The following ATF2 variants were observed in gnomAD, a reference collection of about 807,000 sequenced individuals.
ATF2 encodes activating transcription factor 2.
A neutral mutation model predicts 60.6 loss-of-function variants in ATF2; 24 were observed. The observed-to-expected ratio is 0.40, with a 90% CI of 0.29 to 0.56. The LOEUF (loss-of-function observed/expected upper bound fraction) is 0.56, where lower values mean the gene tolerates loss of function less well. Among genes scored for constraint, ATF2 ranks in the 20% least tolerant of loss-of-function variants. The probability of loss-of-function intolerance (pLI) is 0.54; values close to 1 mark genes in which losing one functional copy is unlikely to be tolerated. For synonymous variants in ATF2, 206 were observed against 215.4 expected (o/e 0.96, Z 0.38); for missense variants, 433 against 607.7 (o/e 0.71, Z 3.02).
At chr2:175,112,050 A>G (rs1028575179) in intron 9 of ATF2, among the ~76,000 whole-genome samples, 1 of 152,220 alleles carries the variant, frequency 6.6e-6, no homozygotes, top group East Asian at 1.9e-4. Flanking sequence ...GCTTTTCTAA[A>G]AATATATACA....
intron 1 of ATF2, among the ~76,000 whole-genome samples, chr2:175,151,698 T>C (rs1044051268): frequency 1.5e-4 from 23 of 152,180 alleles, no homozygotes; most frequent in Non-Finnish European, 2.2e-4. Context: ...AACAACGGAA[T>C]GACAGAACAC....
intron 9 of ATF2, among the ~76,000 whole-genome samples, chr2:175,112,972 C>CT (rs952711921): frequency 1.3e-5 from 2 of 152,128 alleles, no homozygotes; most frequent in African/African-American, 4.8e-5. Flanking sequence ...AAAAAACTAT[C>CT]TTTTTATTAC....
intron 3 of ATF2, among the ~76,000 whole-genome samples, chr2:175,130,831 A>G: frequency 1.3e-5 from 2 of 152,282 alleles, no homozygotes; most frequent in Middle Eastern, 6.8e-3. Context: ...ACATAACAAA[A>G]TCTGTATCTC....
Position 175,121,446 on chromosome 2 carries a change from G to T in ATF2, c.197C>A (p.Ala66Asp). The part of the protein sequence containing the change: ...GPARNDSVIV[A>D]DQTPTPTRFL... Reference sequence around the variant, plus strand: ...TATTAATAAAAGCATATACTAACCAGCCACAATGACACTGTCATTACGTGC... The same window carrying T: ...TATTAATAAAAGCATATACTAACCATCCACAATGACACTGTCATTACGTGC... Residue 66 changes from alanine (A) to aspartate (D), a missense_variant and splice_region_variant, in exon 5 of 14, where the codon GCT becomes GAT. Transcript: ENST00000264110. The T allele has an allele frequency of 6.3e-7, 1 of 1,587,936 alleles. No homozygotes were observed. Among genetic ancestry groups the T allele is most frequent in the African/African-American group, 1.4e-5 (1 of 73,496 alleles).
At chr2:175,154,790 T>C (rs565944792) in intron 1 of ATF2, among the ~76,000 whole-genome samples, 95 of 152,334 alleles carry the variant, frequency 6.2e-4, no homozygotes, top group Middle Eastern at 3.4e-3. Flanking sequence ...ATCACTAACC[T>C]GTGGGTAGAA....
chr2:175,075,103 G>T, intron 13 of ATF2: 2 of 1,247,186 alleles, frequency 1.6e-6, no homozygotes, highest in South Asian at 3.2e-5. Flanking sequence ...TAGTGTTAAA[G>T]AAAGAAAATG....
chr2:175,124,802 C>T (rs78911621), intron 4 of ATF2, among the ~76,000 whole-genome samples: 6,108 of 151,910 alleles, frequency 0.04, 400 homozygotes, highest in African/African-American at 0.14. Flanking sequence ...TTTTCAATGA[C>T]GGGGCACCAA....
intron 3 of ATF2, chr2:175,132,559 T>C (rs1250298218): frequency 6.6e-6 from 1 of 152,234 alleles, no homozygotes; most frequent in East Asian, 1.9e-4. Flanking sequence ...ACAATCTATG[T>C]CATAAGAAAT....
chr2:175,118,099 G>A lies in ATF2; in HGVS notation c.338C>T (p.Pro113Leu). 1 of 1,611,528 alleles carries A rather than the reference G, an allele frequency of 6.2e-7. No homozygotes were observed. The highest frequency in any genetic ancestry group is 8.5e-7 in the Non-Finnish European group (1 of 1,178,492). The change falls in exon 7 of 14, where the codon CCT becomes CTT. Residue 113 changes from proline to leucine, a missense_variant. Transcript: ENST00000264110. ...GCTTCTTATGATAGGTGTTGCAAGA[G>A]GGGATAAATCTAGAGGCATCTATAA... is the stretch of plus-strand genomic sequence containing the variant. The part of the protein sequence containing the change: ...DIKKMPLDLS[P>L]LATPIIRSKI...
In ATF2 at chr2:175,074,045, C is replaced by G. The variant is rs75010456; in HGVS notation, c.*564G>C. 5.3e-5 allele frequency: 8 copies of G among 152,164 alleles called. No homozygotes were observed. In the East Asian group the frequency reaches 1.5e-3, roughly 29 times the overall value. 9.4% of individuals were successfully genotyped at this position (152,164 alleles called of 1,614,324 possible). On this transcript the variant is annotated 3_prime_UTR_variant, in exon 14 of 14. Transcript: ENST00000264110. ...ACTGTATGTCTTTACCATGTTTTCA[C>G]TCACTTAAAAAAAAGTGTTCTTTAA...
intron 11 of ATF2, among the ~76,000 whole-genome samples, chr2:175,094,403 G>GAAAAAAAAAAAAAAAAA (rs61440218): frequency 4.3e-4 from 26 of 61,146 alleles, no homozygotes; most frequent in South Asian, 7.7e-4. Context: ...CAAAAAATAC[G>GAAAAAAAAAAAAAAAAA]AAAAAAAAAA....
In ATF2 at chr2:175,114,076, T is replaced by C; in HGVS notation, c.659A>G (p.His220Arg). 1 of 1,612,782 alleles carries C rather than the reference T, an allele frequency of 6.2e-7. No homozygotes were observed. Among genetic ancestry groups the C allele is most frequent in the Non-Finnish European group, 8.5e-7 (1 of 1,179,604 alleles). Residue 220 changes from histidine (H) to arginine (R), a missense_variant, in exon 9 of 14, where the codon CAT becomes CGT. His to Arg is a conservative substitution (Grantham distance 29). Transcript: ENST00000264110. ...AGGCATGGTTTGTCCATTAGGAAGA[T>C]GTAACAGAAGAGGAAATGGGCCTGG... ...PVPGPFPLLL[H>R]LPNGQTMPVA...
chr2:175,160,735 A>G (rs606959), intron 1 of ATF2, among the ~76,000 whole-genome samples: 137,604 of 152,148 alleles, frequency 0.9, 62,303 homozygotes, highest in East Asian at 1. Context: ...TGTTTATAAT[A>G]GGATTGGTGG....
intron 9 of ATF2, among the ~76,000 whole-genome samples, 164 bp downstream of exon 9, chr2:175,113,830 C>T (rs1310968300): frequency 6.6e-6 from 1 of 151,330 alleles, no homozygotes; most frequent in Non-Finnish European, 1.5e-5. Flanking sequence ...AATAGCTATA[C>T]CTTGAATGGT....
chr2:175,145,391 C>T (rs891684203), intron 2 of ATF2, among the ~76,000 whole-genome samples: 3 of 152,136 alleles, frequency 2.0e-5, no homozygotes, highest in Admixed American at 6.5e-5. Flanking sequence ...TGTGTGCCCC[C>T]TGCAACTCTC....
chr2:175,119,851 A>C (rs1696833734), intron 5 of ATF2, among the ~76,000 whole-genome samples: 1 of 151,680 alleles, frequency 6.6e-6, no homozygotes, highest in African/African-American at 2.4e-5. Flanking sequence ...AAAAAATAAA[A>C]TACATAAGCA....
At chr2:175,150,922 A>T (rs1309960496) in intron 2 of ATF2, 138 bp downstream of exon 2, 1 of 152,436 alleles carries the variant, frequency 6.6e-6, no homozygotes. Context: ...ATCTTTTTTT[A>T]CTAAACACTA....
At chr2:175,147,125 T>C (rs1699014137) in intron 2 of ATF2, among the ~76,000 whole-genome samples, 1 of 152,174 alleles carries the variant, frequency 6.6e-6, no homozygotes, top group African/African-American at 2.4e-5. Context: ...CAAAGGGTGA[T>C]ATCATATAAT....
At chr2:175,140,738 T>A (rs190375382) in intron 2 of ATF2, among the ~76,000 whole-genome samples, 3 of 150,028 alleles carry the variant, frequency 2.0e-5, no homozygotes, top group African/African-American at 7.4e-5. Context: ...CCTGTAATGA[T>A]AGCACTTTGG....
Sources: allele counts gnomAD v4.1 joint callset (sites outside exome capture counted in the v4.1 genomes callset), GRCh38; gene constraint gnomAD v4.1.1; transcripts MANE v1.5; gene names NCBI Gene and HGNC (gene_info 2026-07-23, HGNC 2026-07-21).